The following PRELID2 variants were observed in gnomAD, a reference collection of about 807,000 sequenced individuals.
PRELID2 encodes the protein PRELI domain containing 2, also known as PRELI domain-containing protein 2.
A neutral mutation model predicts 28.4 loss-of-function variants in PRELID2; 25 were observed. The ratio of observed to expected loss-of-function variants is 0.88; its 90% confidence interval spans 0.64 to 1.23. The LOEUF is 1.23. PRELID2 is among the 50% of genes most tolerant of loss of function. PRELID2 has a pLI of 0.00. For missense variants in PRELID2, 201 were observed against 214.4 expected (o/e 0.94, Z 0.39); for synonymous variants, 76 against 71.6 (o/e 1.06, Z -0.31).
At chr5:145,264,653 CAA>C in the PRELID2 span, among the ~76,000 whole-genome samples, 1 of 151,978 alleles carries the variant, frequency 6.6e-6, no homozygotes, top group South Asian at 2.1e-4. Context: ...AACTATCAGA[CAA>C]GAGAGAGAAA....
the PRELID2 span, among the ~76,000 whole-genome samples, chr5:145,345,332 TCTA>T: frequency 0.18 from 26,698 of 151,632 alleles, 2,473 homozygotes; most frequent in South Asian, 0.27. Context: ...TGCTTGCTAG[TCTA>T]CTGATTGATG....
At chr5:145,288,756 T>C in the PRELID2 span, among the ~76,000 whole-genome samples, 1 of 151,952 alleles carries the variant, frequency 6.6e-6, no homozygotes, top group African/African-American at 2.4e-5. Context: ...CAAACATGAG[T>C]TTATACTGAG....
rs6874133 is a variant in PRELID2 at position 145,595,177 on chromosome 5, C to T, written n.71-121862G>A. 6.5e-3 allele frequency among the ~76,000 whole-genome samples: 752 copies of T among 116,322 alleles called. 8 individuals carry two copies. The highest frequency in any genetic ancestry group is 0.031 in the African/African-American group (715 of 23,332). 76.3% of individuals were successfully genotyped at this position (116,322 alleles called of 152,430 possible). A position where few individuals can be genotyped will look rare whatever the true frequency, so the allele number is the denominator to read the frequency against. On this transcript the variant is annotated intron_variant and non_coding_transcript_variant, in intron 1 of 2. Transcript: ENST00000510259. ...GTCATAATAGACACACACACACACA[C>T]ACACACACACACACACACACACACT...
intron 2 of PRELID2, among the ~76,000 whole-genome samples, chr5:145,472,405 A>G (rs528766385): frequency 1.1e-4 from 17 of 152,254 alleles, no homozygotes; most frequent in African/African-American, 3.4e-4. Context: ...AGCCCCAGAT[A>G]GGTTAAGTGA....
the PRELID2 span, among the ~76,000 whole-genome samples, chr5:145,247,163 G>C: frequency 2.6e-5 from 4 of 152,088 alleles, no homozygotes; most frequent in South Asian, 4.1e-4. Flanking sequence ...TCCCACCCAG[G>C]AACAGAAGAC....
At chr5:145,811,813 G>A (rs1405839140) in intron 4 of PRELID2, among the ~76,000 whole-genome samples, 1 of 152,162 alleles carries the variant, frequency 6.6e-6, no homozygotes, top group African/African-American at 2.4e-5. Flanking sequence ...CCTGATCACT[G>A]GTACAGAAAT....
chr5:145,665,785 T>C (rs1754577891), intron 1 of PRELID2, among the ~76,000 whole-genome samples: 1 of 152,108 alleles, frequency 6.6e-6, no homozygotes, highest in Non-Finnish European at 1.5e-5. Context: ...CTTACTCCAC[T>C]TGTGAAATTC....
chr5:145,566,621 C>T (rs867219845), intron 1 of PRELID2, among the ~76,000 whole-genome samples: 5 of 152,160 alleles, frequency 3.3e-5, no homozygotes, highest in Non-Finnish European at 7.3e-5. Flanking sequence ...AGGCAGATCA[C>T]TTGATGTCAT....
intron 1 of PRELID2, among the ~76,000 whole-genome samples, chr5:145,650,852 T>C (rs1019491762): frequency 1.3e-5 from 2 of 152,030 alleles, no homozygotes; most frequent in Non-Finnish European, 2.9e-5. Flanking sequence ...ACGGATAATT[T>C]CTGCATTTCC....
At chr5:145,425,317 T>C in the PRELID2 span, among the ~76,000 whole-genome samples, 2 of 152,178 alleles carry the variant, frequency 1.3e-5, no homozygotes, top group African/African-American at 4.8e-5. Context: ...GAAGTGTAAA[T>C]TTATTCAACT....
chr5:145,775,254 A>G (rs1404258446), intron 5 of PRELID2, among the ~76,000 whole-genome samples: 1 of 152,000 alleles, frequency 6.6e-6, no homozygotes, highest in East Asian at 1.9e-4. Context: ...AAAAAAAGAA[A>G]CAGTAGCATA....
intron 1 of PRELID2, among the ~76,000 whole-genome samples, chr5:145,527,515 C>T (rs1364576835): frequency 6.6e-6 from 1 of 152,188 alleles, no homozygotes; most frequent in East Asian, 1.9e-4. Flanking sequence ...ACTTATTGCA[C>T]ATGCAGAATT....
At chr5:145,594,448 T>C (rs1280351172) in intron 1 of PRELID2, among the ~76,000 whole-genome samples, 1 of 152,204 alleles carries the variant, frequency 6.6e-6, no homozygotes, top group Non-Finnish European at 1.5e-5. Context: ...ATTGTTTTTC[T>C]GATCTTCCTG....
chr5:145,671,424 T>C (rs1754704992), intron 1 of PRELID2, among the ~76,000 whole-genome samples: 1 of 152,144 alleles, frequency 6.6e-6, no homozygotes, highest in Non-Finnish European at 1.5e-5. Context: ...ATTTTCTGTA[T>C]TAATTAACTC....
chr5:145,312,370 T>G, the PRELID2 span, among the ~76,000 whole-genome samples: 1 of 151,780 alleles, frequency 6.6e-6, no homozygotes, highest in Non-Finnish European at 1.5e-5. Context: ...ACAAAAAAAT[T>G]TACTCTTAGC....
the PRELID2 span, among the ~76,000 whole-genome samples, chr5:145,383,284 C>T: frequency 6.0e-5 from 9 of 151,192 alleles, no homozygotes; most frequent in African/African-American, 2.2e-4. Flanking sequence ...TACACACATA[C>T]GTACATATAT....
the PRELID2 span, among the ~76,000 whole-genome samples, chr5:145,269,012 G>A: frequency 3.9e-5 from 6 of 152,012 alleles, no homozygotes; most frequent in Non-Finnish European, 5.9e-5. Context: ...AACTAAAACA[G>A]CATTGATAGA....
intron 1 of PRELID2, among the ~76,000 whole-genome samples, chr5:145,615,853 A>G (rs942717183): frequency 7.9e-5 from 12 of 152,210 alleles, no homozygotes; most frequent in African/African-American, 2.9e-4. Context: ...TATGCTTTAA[A>G]GAGGTTCTGA....
chr5:145,393,647 G>A, the PRELID2 span, among the ~76,000 whole-genome samples: 3 of 152,186 alleles, frequency 2.0e-5, no homozygotes, highest in Non-Finnish European at 2.9e-5. Context: ...GCCTGTAATT[G>A]ACTGAAACTC....
Sources: gnomAD v4.1 joint callset for allele counts (sites outside exome capture counted in the v4.1 genomes callset) on GRCh38, gnomAD v4.1.1 for gene constraint, MANE v1.5 for transcripts, NCBI Gene and HGNC (gene_info 2026-07-23, HGNC 2026-07-21) for gene names.